The following NTRK1 variants were observed in gnomAD, a reference collection of about 807,000 sequenced individuals.
The protein encoded by NTRK1 is neurotrophic receptor tyrosine kinase 1.
Under a neutral mutation model 86.8 loss-of-function variants are expected in NTRK1, and 62 were observed. The ratio of observed to expected loss-of-function variants is 0.71; its 90% CI spans 0.58 to 0.88. The LOEUF is 0.88. Ranked by LOEUF, NTRK1 falls within the 40% of genes least tolerant of loss-of-function variation. NTRK1 has a pLI of 0.00. For synonymous variants in NTRK1, 469 were observed against 456.6 expected (o/e 1.03, Z -0.35); for missense variants, 967 against 1,078.4 (o/e 0.90, Z 1.45).
rs187470641 is a variant in NTRK1 at position 156,872,604 on chromosome 1, T to C, written c.850+849T>C. The stretch of plus-strand genomic sequence containing the variant: ...ATGAATGCTATATTATATATATATA[T>C]ACATATATTTATGCATACATACACT... On this transcript the variant is annotated intron_variant, in intron 7 of 16. Coordinates refer to ENST00000524377, the MANE Select transcript of NTRK1 (RefSeq NM_002529.4). Among the ~76,000 whole-genome samples the C allele has an allele frequency of 1.6e-4, 24 of 151,658 alleles. 1 individual carries two copies. In the East Asian group the frequency reaches 2.1e-3, roughly 13 times the overall value.
intron 1 of NTRK1, among the ~76,000 whole-genome samples, chr1:156,835,865 G>A (rs1445404855): frequency 1.3e-5 from 2 of 152,210 alleles, no homozygotes; most frequent in African/African-American, 4.8e-5. Flanking sequence ...AGGTACCCCT[G>A]CCTCCTTCAC....
intron 2 of NTRK1, chr1:156,842,479 G>A: frequency 6.2e-7 from 1 of 1,614,026 alleles, no homozygotes. Context: ...GAGTTGGCTG[G>A]CCCTGAGATA....
chr1:156,821,061 C>T (rs1489327988), intron 1 of NTRK1, among the ~76,000 whole-genome samples: 3 of 152,074 alleles, frequency 2.0e-5, no homozygotes, highest in Non-Finnish European at 2.9e-5. Flanking sequence ...TAAATATATT[C>T]CTAAGTTTTT....
chr1:156,820,028 T>C (rs975191274), intron 1 of NTRK1, among the ~76,000 whole-genome samples: 1 of 152,236 alleles, frequency 6.6e-6, no homozygotes, highest in Non-Finnish European at 1.5e-5. Context: ...TTTTGGGGTC[T>C]TAGTCATGAA....
intron 1 of NTRK1, chr1:156,841,001 G>A (rs150504965): frequency 1.9e-6 from 3 of 1,612,426 alleles, no homozygotes; most frequent in Non-Finnish European, 2.5e-6. Flanking sequence ...AAGGAGAGGA[G>A]GCGGAAGGAG....
intron 2 of NTRK1, chr1:156,842,459 A>C: frequency 2.5e-6 from 4 of 1,614,070 alleles, no homozygotes; most frequent in Non-Finnish European, 3.4e-6. Context: ...CATTAACTCC[A>C]TGATGACCAG....
chr1:156,872,298 C>T (rs985854235), intron 7 of NTRK1, among the ~76,000 whole-genome samples: 17 of 152,150 alleles, frequency 1.1e-4, no homozygotes, highest in African/African-American at 1.7e-4. Context: ...CACCCAACAC[C>T]TCTCCCTGTT....
intron 3 of NTRK1, among the ~76,000 whole-genome samples, chr1:156,866,369 G>A (rs548964577): frequency 5.3e-5 from 8 of 152,198 alleles, no homozygotes; most frequent in Non-Finnish European, 8.8e-5. Context: ...CGAGGGGGCT[G>A]GGGGTGTGGG....
chr1:156,870,978 G>A (rs866824800), intron 6 of NTRK1, among the ~76,000 whole-genome samples: 1 of 152,208 alleles, frequency 6.6e-6, no homozygotes, highest in East Asian at 1.9e-4. Flanking sequence ...TGCAGGAGGC[G>A]ATGCCGCTGC....
intron 2 of NTRK1, chr1:156,843,500 G>A (rs1209533420): frequency 6.2e-7 from 1 of 1,613,630 alleles, no homozygotes; most frequent in East Asian, 2.2e-5. Context: ...AGGTGAGGGG[G>A]TCAGGCTGGA....
At position 156,864,717 on chromosome 1, in the gene NTRK1, C is replaced by A. The variant is rs773249997; in HGVS notation, c.288-11C>A. 4 of 1,613,802 alleles carry A rather than the reference C, an allele frequency of 2.5e-6. No individual in the cohort carries two copies. Among genetic ancestry groups the A allele is most frequent in the South Asian group, 1.1e-5 (1 of 90,976 alleles). On this transcript the variant is annotated splice_polypyrimidine_tract_variant and intron_variant, in intron 2 of 16. Transcript: ENST00000524377. Reference sequence around the variant, plus strand: ...AGACCTGGGGACTGATCCTCCTGCACCCCTCCCCAGCACCATCGTGAAGAG... The same window carrying A: ...AGACCTGGGGACTGATCCTCCTGCAACCCTCCCCAGCACCATCGTGAAGAG...
rs775465525 is a variant in NTRK1, at chr1:156,844,677, G to T, written c.50+2484G>T. Reference sequence around the variant, plus strand: ...GGAAGGCGATGTAGGCACAAAACGGGGCTGGGACGGGGGTCCCACGGGCAC... The same window carrying T: ...GGAAGGCGATGTAGGCACAAAACGGTGCTGGGACGGGGGTCCCACGGGCAC... On this transcript the variant is annotated intron_variant, in intron 2 of 16. Coordinates refer to the NTRK1 transcript ENST00000392302. 11 of 1,614,070 alleles carry T rather than the reference G, an allele frequency of 6.8e-6. No homozygotes were observed. In the Middle Eastern group the frequency reaches 4.9e-4, roughly 73 times the overall value.
At chr1:156,878,485 A>C (rs1466527797) in intron 14 of NTRK1, among the ~76,000 whole-genome samples, 1 of 152,174 alleles carries the variant, frequency 6.6e-6, no homozygotes, top group Non-Finnish European at 1.5e-5. Context: ...TGCCTCAACT[A>C]AACAAATGAG....
At chr1:156,876,938 T>C (rs532000638) in intron 14 of NTRK1, among the ~76,000 whole-genome samples, 14 of 152,354 alleles carry the variant, frequency 9.2e-5, no homozygotes, top group African/African-American at 3.1e-4. Flanking sequence ...GTAATGAACA[T>C]TTATCAGGCA....
chr1:156,851,874 C>T, intron 2 of NTRK1: 1 of 1,575,188 alleles, frequency 6.3e-7, no homozygotes, highest in East Asian at 2.3e-5. Flanking sequence ...GCCCCCCACC[C>T]TCCCTACACT....
chr1:156,844,598 A>G (rs778123969), intron 2 of NTRK1: 24 of 1,614,178 alleles, frequency 1.5e-5, no homozygotes, highest in Non-Finnish European at 1.9e-5. Flanking sequence ...CATATCGAAG[A>G]CGGGACACAC....
intron 1 of NTRK1, among the ~76,000 whole-genome samples, chr1:156,824,221 G>A (rs1281554319): frequency 7.2e-6 from 1 of 139,804 alleles, no homozygotes; most frequent in Non-Finnish European, 1.6e-5. Context: ...AAAGTGGGGA[G>A]TGCAAAGTGA....
chr1:156,825,632 G>C (rs1654298082), intron 1 of NTRK1, among the ~76,000 whole-genome samples: 1 of 152,176 alleles, frequency 6.6e-6, no homozygotes, highest in Non-Finnish European at 1.5e-5. Context: ...ACAAATAACT[G>C]CCAAGGCCTA....
At position 156,860,942 on chromosome 1, in the gene NTRK1, G is replaced by A; in HGVS notation, c.8G>A (p.Arg3Gln). Residue 3 changes from arginine to glutamine, a missense_variant, in exon 1 of 17, where the codon CGA (arginine) becomes CAA (glutamine). Transcript: ENST00000524377. ML[R>Q]GGRRGQLGWH... Reference sequence around the variant, plus strand: ...GAGGCGGGCGCCGCCGCGATGCTGCGAGGCGGACGGCGCGGGCAGCTTGGC... The same window carrying A: ...GAGGCGGGCGCCGCCGCGATGCTGCAAGGCGGACGGCGCGGGCAGCTTGGC... 2 of 1,490,630 alleles carry A rather than the reference G, an allele frequency of 1.3e-6. No homozygotes were observed. Among genetic ancestry groups the A allele is most frequent in the Non-Finnish European group, 1.8e-6 (2 of 1,128,838 alleles). The allele number at this position is 1,490,630 out of a possible 1,614,324, so 92.3% of individuals were successfully genotyped here. A position where few individuals can be genotyped will look rare whatever the true frequency, so the allele number is the denominator to read the frequency against.
Sources: gnomAD v4.1 joint callset for allele counts (sites outside exome capture counted in the v4.1 genomes callset) on GRCh38, gnomAD v4.1.1 for gene constraint, MANE v1.5 for transcripts, NCBI Gene and HGNC (gene_info 2026-07-23, HGNC 2026-07-21) for gene names.